Variants in PHLPP1 observed in about 807,000 individuals in gnomAD.
PHLPP1 encodes the protein PH domain and leucine rich repeat protein phosphatase 1, also known as PH domain leucine-rich repeat-containing protein phosphatase 1.
A neutral mutation model predicts 117.2 loss-of-function variants in PHLPP1; 42 were observed. That is an observed-to-expected ratio of 0.36 (90% confidence interval 0.28 to 0.46). PHLPP1 has a LOEUF of 0.46. Ranked by LOEUF, PHLPP1 falls within the 20% of genes least tolerant of loss-of-function variation. PHLPP1 has a pLI of 1.00. For synonymous variants in PHLPP1, 1,042 were observed against 970.7 expected (o/e 1.07, Z -1.37); for missense variants, 2,084 against 2,241.9 (o/e 0.93, Z 1.42).
chr18:62,890,306 A>T (rs1916375533), intron 4 of PHLPP1, among the ~76,000 whole-genome samples: 1 of 151,888 alleles, frequency 6.6e-6, no homozygotes. Context: ...TTGCTTTGTC[A>T]CCCAGGCTGG....
At chr18:62,782,381 A>G (rs1175987635) in intron 1 of PHLPP1, among the ~76,000 whole-genome samples, 2 of 152,156 alleles carry the variant, frequency 1.3e-5, no homozygotes, top group Admixed American at 1.3e-4. Flanking sequence ...AGTTTAACTC[A>G]ATTGGATTTT....
intron 4 of PHLPP1, among the ~76,000 whole-genome samples, chr18:62,884,984 T>C (rs964263985): frequency 6.6e-6 from 1 of 152,242 alleles, no homozygotes; most frequent in Non-Finnish European, 1.5e-5. Flanking sequence ...TGTCTCCAAA[T>C]AGTCATCATG....
intron 8 of PHLPP1, among the ~76,000 whole-genome samples, chr18:62,911,321 AG>A (rs1231188920): frequency 1.6e-5 from 1 of 60,654 alleles, no homozygotes; most frequent in Admixed American, 1.6e-4. Flanking sequence ...GAAACTAAAG[AG>A]CTTCTGCACA....
chr18:62,734,315 T>C (rs913413700), intron 1 of PHLPP1, among the ~76,000 whole-genome samples: 5 of 152,200 alleles, frequency 3.3e-5, no homozygotes, highest in African/African-American at 4.8e-5. Context: ...ATCTCCTCTC[T>C]GGATCTTCAT....
intron 1 of PHLPP1, among the ~76,000 whole-genome samples, chr18:62,730,370 G>A (rs1177464975): frequency 6.6e-6 from 1 of 152,104 alleles, no homozygotes; most frequent in African/African-American, 2.4e-5. Flanking sequence ...CCACATTTTG[G>A]GATGTCTGTT....
At chr18:62,729,427 T>G (rs1241287157) in intron 1 of PHLPP1, among the ~76,000 whole-genome samples, 1 of 152,218 alleles carries the variant, frequency 6.6e-6, no homozygotes, top group Non-Finnish European at 1.5e-5. Context: ...CTGGGCGTGG[T>G]GGCTCATGCC....
At chr18:62,961,566 G>T (rs1490074092) in intron 13 of PHLPP1, among the ~76,000 whole-genome samples, 1 of 152,112 alleles carries the variant, frequency 6.6e-6, no homozygotes, top group African/African-American at 2.4e-5. Context: ...CTAGACTTCA[G>T]GATGGTATCT....
At chr18:62,951,397 G>A (rs1910454372) in intron 12 of PHLPP1, among the ~76,000 whole-genome samples, 1 of 152,202 alleles carries the variant, frequency 6.6e-6, no homozygotes, top group Non-Finnish European at 1.5e-5. Flanking sequence ...AATAGCTTAT[G>A]TATCTATAAA....
chr18:62,824,561 G>A (rs1914556405), intron 1 of PHLPP1, among the ~76,000 whole-genome samples: 1 of 152,084 alleles, frequency 6.6e-6, no homozygotes, highest in South Asian at 2.1e-4. Context: ...TCTGGTGATG[G>A]TTTCATGTGT....
At chr18:62,798,358 T>C (rs1195142743) in intron 1 of PHLPP1, among the ~76,000 whole-genome samples, 1 of 152,226 alleles carries the variant, frequency 6.6e-6, no homozygotes, top group Non-Finnish European at 1.5e-5. Flanking sequence ...TTTTGTCCTA[T>C]CTTGCATCTT....
chr18:62,785,277 A>G (rs1395570738), intron 1 of PHLPP1, among the ~76,000 whole-genome samples: 2 of 152,210 alleles, frequency 1.3e-5, no homozygotes, highest in Middle Eastern at 3.2e-3. Flanking sequence ...TCAGAAGGAC[A>G]GGGAGAATTT....
At chr18:62,747,296 T>TC in intron 1 of PHLPP1, among the ~76,000 whole-genome samples, 1 of 150,494 alleles carries the variant, frequency 6.6e-6, no homozygotes, top group African/African-American at 2.4e-5. Flanking sequence ...TTTTTTTTTT[T>TC]TCTGTGGAAA....
At chr18:62,972,180 A>C (rs1911069165) in intron 14 of PHLPP1, among the ~76,000 whole-genome samples, 1 of 152,230 alleles carries the variant, frequency 6.6e-6, no homozygotes, top group Non-Finnish European at 1.5e-5. Context: ...GTGGTTAATA[A>C]CTGCTTATTG....
At chr18:62,952,670 A>C (rs1461771824) in intron 12 of PHLPP1, among the ~76,000 whole-genome samples, 1 of 152,234 alleles carries the variant, frequency 6.6e-6, no homozygotes, top group African/African-American at 2.4e-5. Flanking sequence ...TCTGTTGCGC[A>C]TGCCGGAGTG....
intron 1 of PHLPP1, among the ~76,000 whole-genome samples, chr18:62,755,281 A>G (rs1383861236): frequency 6.6e-6 from 1 of 152,178 alleles, no homozygotes; most frequent in Non-Finnish European, 1.5e-5. Context: ...TGCTCTGTCA[A>G]CCCATTGGCT....
At chr18:62,766,010 G>A (rs113700809) in intron 1 of PHLPP1, among the ~76,000 whole-genome samples, 5 of 135,312 alleles carry the variant, frequency 3.7e-5, no homozygotes, top group Admixed American at 7.7e-5. Context: ...GCAGTGAGCC[G>A]AGATCGCGCC....
chr18:62,889,079 CTAAGGGT>C (rs1481052608), intron 4 of PHLPP1, among the ~76,000 whole-genome samples: 1 of 152,158 alleles, frequency 6.6e-6, no homozygotes, highest in African/African-American at 2.4e-5. Context: ...TCTGAGAAGG[CTAAGGGT>C]TAGTTACCAC....
At chr18:62,784,903 T>C (rs1020006296) in intron 1 of PHLPP1, among the ~76,000 whole-genome samples, 1 of 152,116 alleles carries the variant, frequency 6.6e-6, no homozygotes, top group African/African-American at 2.4e-5. Context: ...TATATAGATA[T>C]TTGTGGAAAA....
chr18:62,854,761 A>G (rs916778240), intron 3 of PHLPP1, among the ~76,000 whole-genome samples: 9 of 146,348 alleles, frequency 6.1e-5, no homozygotes, highest in African/African-American at 1.8e-4. Flanking sequence ...TGATGGCTCA[A>G]TCTTGGTTCA....
Sources: gnomAD v4.1 joint callset for allele counts (sites outside exome capture counted in the v4.1 genomes callset) on GRCh38, gnomAD v4.1.1 for gene constraint, MANE v1.5 for transcripts, NCBI Gene and HGNC (gene_info 2026-07-23, HGNC 2026-07-21) for gene names.